VNN2: variants seen among roughly 807,000 people sequenced by gnomAD.
VNN2 encodes vanin 2, also known as pantetheine hydrolase VNN2.
VNN2 carries 43 observed loss-of-function variants against 43.0 expected under a neutral mutation model. The observed-to-expected ratio is 1.00, with a 90% CI of 0.78 to 1.29. VNN2 has a LOEUF of 1.29. Among genes scored for constraint, VNN2 ranks in the 50% most tolerant of loss-of-function variants. The probability of loss-of-function intolerance (pLI) is 0.00; values close to 1 mark genes in which losing one functional copy is unlikely to be tolerated. For synonymous variants in VNN2, 230 were observed against 224.3 expected, an observed-to-expected ratio of 1.03 and a Z score of -0.23; for missense variants, 652 against 619.7, an observed-to-expected ratio of 1.05 and a Z score of -0.55.
chr6:132,749,160 C>A (rs188974514), intron 6 of VNN2, among the ~76,000 whole-genome samples: 12 of 152,032 alleles, frequency 7.9e-5, no homozygotes, highest in Non-Finnish European at 1.6e-4. Context: ...GTCCTTTTGC[C>A]GTGTGATTTT....
intron 4 of VNN2, among the ~76,000 whole-genome samples, chr6:132,752,143 G>A (rs1780148036): frequency 1.3e-5 from 2 of 152,212 alleles, no homozygotes; most frequent in Admixed American, 1.3e-4. Flanking sequence ...GGCTTCCATG[G>A]CCACTGAGGA....
intron 3 of VNN2, 87 bp downstream of exon 3, chr6:132,755,756 C>T (rs1481929959): frequency 2.3e-6 from 3 of 1,332,444 alleles, no homozygotes; most frequent in South Asian, 1.5e-5. Flanking sequence ...AATATTGTAT[C>T]ATATAGGGAA....
rs745907950 is a variant in VNN2 at position 132,757,459 on chromosome 6, G to T, written c.301C>A (p.Pro101Thr). 6.2e-7 allele frequency: 1 copy of T among 1,613,876 alleles called. No homozygotes were observed. Among genetic ancestry groups the T allele is most frequent in the South Asian group, 1.1e-5 (1 of 91,030 alleles). Residue 101 changes from proline to threonine, a missense_variant, in exon 2 of 7, where the codon CCA (proline) becomes ACA (threonine). Physicochemically the swap from Pro to Thr is conservative, Grantham distance 38 (BLOSUM62 -1). Coordinates refer to ENST00000326499, the MANE Select transcript of VNN2 (RefSeq NM_004665.6). ...GGAATCCAGTTCACCTGAGGGTCTG[G>T]GATATCCTCCAGATAAGGGAAAACA... ...ETVFPYLEDI[P>T]DPQVNWIPCQ...
chr6:132,760,411 A>G (rs1157040989), upstream of VNN2, among the ~76,000 whole-genome samples: 1 of 152,104 alleles, frequency 6.6e-6, no homozygotes, highest in African/African-American at 2.4e-5. Context: ...CCCGAGCTCA[A>G]GCAATCCACC....
chr6:132,755,963 A>T lies in VNN2; in HGVS notation c.417T>A (p.Asn139Lys), dbSNP rs1212881993. Residue 139 changes from asparagine (N) to lysine (K), a missense_variant, in exon 3 of 7, where the codon AAT becomes AAA. Transcript: ENST00000326499. ...AKDNSIYVLA[N>K]LGDKKPCNSR... ...AATTACATGGCTTTTTGTCCCCCAA[A>T]TTTGCCAAGACATAGATAGAGTTGT... 1.9e-6 allele frequency: 3 copies of T among 1,614,128 alleles called. No individual in the cohort carries two copies. Among genetic ancestry groups the T allele is most frequent in the Non-Finnish European group, 2.5e-6 (3 of 1,179,994 alleles).
At chr6:132,761,413 A>C (rs1264225926), upstream of VNN2, among the ~76,000 whole-genome samples, 5 of 151,702 alleles carry the variant, frequency 3.3e-5, no homozygotes. Context: ...TAATCCCTGC[A>C]CTTTGGGAGG....
chr6:132,744,163 T>A lies in VNN2; in HGVS notation c.*137A>T, dbSNP rs1779581825. 1.5e-6 allele frequency: 1 copy of A among 673,926 alleles called. No individual in the cohort carries two copies. Among genetic ancestry groups the A allele is most frequent in the Non-Finnish European group, 2.3e-6 (1 of 440,462 alleles). 41.7% of individuals were successfully genotyped at this position (673,926 alleles called of 1,614,324 possible). ...TATCATAATACTTAAAAAATAATTA[T>A]TGATGAGAAAAAATATTTAGGACTC... is the stretch of plus-strand genomic sequence containing the variant. On this transcript the variant is annotated 3_prime_UTR_variant, in exon 7 of 7. Coordinates refer to ENST00000326499, the MANE Select transcript of VNN2 (RefSeq NM_004665.6).
chr6:132,759,626 T>C (rs114824091), upstream of VNN2, among the ~76,000 whole-genome samples: 89 of 152,220 alleles, frequency 5.8e-4, no homozygotes, highest in African/African-American at 1.8e-3. Context: ...GAAGAGTAGG[T>C]ACGATTAAAC....
chr6:132,757,324 A>G, intron 2 of VNN2, 92 bp downstream of exon 2: 2 of 1,450,804 alleles, frequency 1.4e-6, no homozygotes, highest in East Asian at 2.3e-5. Flanking sequence ...TATACCACAT[A>G]TATGGTAATT....
At position 132,757,660 on chromosome 6, in the gene VNN2, T is replaced by C. The variant is rs749283511; in HGVS notation, c.213+11A>G. 6.2e-7 allele frequency: 1 copy of C among 1,613,052 alleles called. No individual in the cohort carries two copies. Among genetic ancestry groups the C allele is most frequent in the Non-Finnish European group, 8.5e-7 (1 of 1,179,136 alleles). ...TCGTGTACATTATGATTAACAGAAA[T>C]AAGAGAATACCTGCTCAGCTGCCTG... is the stretch of plus-strand genomic sequence containing the variant. On this transcript the variant is annotated intron_variant, in intron 1 of 6. Transcript: ENST00000326499.
chr6:132,758,396 G>T (rs1230610653), upstream of VNN2, among the ~76,000 whole-genome samples: 1 of 152,086 alleles, frequency 6.6e-6, no homozygotes, highest in African/African-American at 2.4e-5. Flanking sequence ...AGAAAGAAAA[G>T]TTGCAGTCCA....
chr6:132,749,707 A>T lies in VNN2; in HGVS notation c.1359T>A (p.Pro453=), dbSNP rs1315414999. 1.9e-6 allele frequency: 3 copies of T among 1,611,312 alleles called. No individual in the cohort carries two copies. The highest frequency in any genetic ancestry group is 1.1e-5 in the South Asian group (1 of 90,626). Residue 453 remains proline (P), a synonymous_variant, in exon 6 of 7, where the codon CCT becomes CCA. Coordinates refer to ENST00000326499, the MANE Select transcript of VNN2 (RefSeq NM_004665.6). ...AAAGTCCTCTTACCTCAAATTTTCC[A>T]GGTGACAGATGAATTTCGGTAAGTA... ...EVLLTEIHLS[P]GKFEVLKDGR...
At chr6:132,763,220 G>A (rs9321367) in intron 1 of VNN2, among the ~76,000 whole-genome samples, 1 of 150,594 alleles carries the variant, frequency 6.6e-6, no homozygotes, top group African/African-American at 2.4e-5. Context: ...CATGGAAATC[G>A]CAGACTTAAA....
At position 132,744,143 on chromosome 6, in the gene VNN2, T is replaced by C. The variant is rs565150577; in HGVS notation, c.*157A>G. 2.9e-4 allele frequency: 178 copies of C among 608,346 alleles called. No homozygotes were observed. Among genetic ancestry groups the C allele is most frequent in the Admixed American group, 1.4e-3 (35 of 24,284 alleles). 37.7% of individuals were successfully genotyped at this position (608,346 alleles called of 1,614,324 possible). On this transcript the variant is annotated 3_prime_UTR_variant, in exon 7 of 7. Coordinates refer to ENST00000326499, the MANE Select transcript of VNN2 (RefSeq NM_004665.6). The stretch of plus-strand genomic sequence containing the variant: ...GCCAAAAAAATGGACAACATTATCA[T>C]AATACTTAAAAAATAATTATTGATG...
intron 3 of VNN2, chr6:132,753,607 G>A: frequency 6.4e-6 from 2 of 312,438 alleles, no homozygotes; most frequent in Non-Finnish European, 1.3e-5. Flanking sequence ...GGTCTGCAGT[G>A]TAGAAAAAAT....
chr6:132,744,948 C>T (rs1416670061), intron 6 of VNN2, among the ~76,000 whole-genome samples: 2 of 151,738 alleles, frequency 1.3e-5, no homozygotes, highest in Non-Finnish European at 2.9e-5. Flanking sequence ...GTCTGTTTCA[C>T]GGAGTGGGAC....
intron 4 of VNN2, among the ~76,000 whole-genome samples, chr6:132,752,105 TAGG>T: frequency 6.6e-6 from 1 of 152,230 alleles, no homozygotes; most frequent in Non-Finnish European, 1.5e-5. Context: ...CATGCAGCCA[TAGG>T]AGGAGACAAA....
At chr6:132,753,027 G>A (rs377119840) in intron 3 of VNN2, 30 of 330,626 alleles carry the variant, frequency 9.1e-5, no homozygotes, top group South Asian at 1.3e-4. Flanking sequence ...CCCAAAGTCC[G>A]TAAGCTTTTT....
chr6:132,744,007 A>C lies in VNN2; in HGVS notation c.*293T>G, dbSNP rs1298317429. ...TCACTCCCATACATACAAGTCCCCC[A>C]TACACACAAAGTCTCAAGCAAATGA... On this transcript the variant is annotated 3_prime_UTR_variant, in exon 7 of 7. Transcript: ENST00000326499. The C allele has an allele frequency of 4.3e-6, 1 of 235,150 alleles. No individual in the cohort carries two copies. Among genetic ancestry groups the C allele is most frequent in the African/African-American group, 2.3e-5 (1 of 43,360 alleles). The allele number at this position is 235,150 out of a possible 1,614,324, so 14.6% of individuals were successfully genotyped here. A position where few individuals can be genotyped will look rare whatever the true frequency, so the allele number is the denominator to read the frequency against.
Sources: gnomAD v4.1 joint callset for allele counts (sites outside exome capture counted in the v4.1 genomes callset) on GRCh38, gnomAD v4.1.1 for gene constraint, MANE v1.5 for transcripts, NCBI Gene and HGNC (gene_info 2026-07-23, HGNC 2026-07-21) for gene names.